ENO2: variants seen among roughly 807,000 people sequenced by gnomAD.
ENO2 encodes the protein gamma-enolase.
ENO2 carries 19 observed loss-of-function variants against 48.7 expected under a neutral mutation model. That is an observed-to-expected ratio of 0.39 (90% confidence interval 0.27 to 0.57). The LOEUF is 0.57. Among genes scored for constraint, ENO2 ranks in the 20% least tolerant of loss-of-function variants. The pLI is 0.58. For synonymous variants in ENO2, 198 were observed against 213.4 expected (o/e 0.93, Z 0.63); for missense variants, 416 against 555.0 (o/e 0.75, Z 2.52).
Position 6,916,758 on chromosome 12 carries a change from AG to A in ENO2, c.240+32del. On this transcript the variant is annotated intron_variant, in intron 4 of 11. Coordinates refer to ENST00000229277, the MANE Select transcript of ENO2 (RefSeq NM_001975.3). This position sits in a 1 kb window ranked among gnomAD's most constrained non-coding sequence, Gnocchi z 4.5. ...AGGCCTGCTCTTTGCTGGGGATAGC[AG>A]GGCCAGAGTTCTGGAAGGAATCCCG... is the stretch of plus-strand genomic sequence containing the variant. The A allele has an allele frequency of 6.2e-7, 1 of 1,613,720 alleles. No homozygotes were observed.
chr12:6,921,191 T>TCG (rs112782798), intron 8 of ENO2, among the ~76,000 whole-genome samples: 7,820 of 152,174 alleles, frequency 0.051, 583 homozygotes, highest in East Asian at 0.22. Context: ...ATCCAGGAGT[T>TCG]CGAGACTGGC....
chr12:6,915,515 G>C, intron 1 of ENO2: 1 of 335,312 alleles, frequency 3.0e-6, no homozygotes, highest in Non-Finnish European at 5.7e-6. Context: ...GCAAAGAGGC[G>C]CGGGAACCAC....
Position 6,922,441 on chromosome 12 carries a change from C to T in ENO2, c.1235+39C>T. 6.2e-7 allele frequency: 1 copy of T among 1,612,844 alleles called. No individual in the cohort carries two copies. The highest frequency in any genetic ancestry group is 8.5e-7 in the Non-Finnish European group (1 of 1,179,078). ...GGGTGGGAGCCCCTGGCCCAGATGG[C>T]TAAAGGCCCCATTTGCCTGCCAGAC... On this transcript the variant is annotated intron_variant, in intron 11 of 11. Coordinates refer to ENST00000229277, the MANE Select transcript of ENO2 (RefSeq NM_001975.3). This position sits in a 1 kb window ranked among gnomAD's most constrained non-coding sequence, Gnocchi z 5.3.
At chr12:6,921,988 C>T (rs1406296735) in intron 9 of ENO2, 68 bp from the exon 10 acceptor site, 1 of 1,598,380 alleles carries the variant, frequency 6.3e-7, no homozygotes, top group Non-Finnish European at 8.6e-7. Flanking sequence ...TGACATAGAC[C>T]AAGGTTGGGG....
Position 6,922,793 on chromosome 12 carries a change from T to C in ENO2, c.1298T>C (p.Val433Ala). The change falls in exon 12 of 12, where the codon GTG (valine) becomes GCG (alanine). Residue 433 changes from valine (V) to alanine (A), a missense_variant. By Grantham distance (64) the Val-to-Ala change is moderately conservative (BLOSUM62 0). Coordinates refer to ENST00000229277, the MANE Select transcript of ENO2 (RefSeq NM_001975.3). This position sits in a 1 kb window ranked among gnomAD's most constrained non-coding sequence, Gnocchi z 5.3. ...FAGHNFRNPSVL is the reference protein window; with the variant it reads ...FAGHNFRNPSAL ...GGACATAACTTCCGTAATCCCAGTG[T>C]GCTGTGATTCCTCTGCTTGCCTGGA... 1 of 1,614,056 alleles carries C rather than the reference T, an allele frequency of 6.2e-7. No individual in the cohort carries two copies. Among genetic ancestry groups the C allele is most frequent in the Non-Finnish European group, 8.5e-7 (1 of 1,179,942 alleles).
intron 7 of ENO2, among the ~76,000 whole-genome samples, chr12:6,918,496 G>A (rs1198000272): frequency 6.6e-6 from 1 of 151,410 alleles, no homozygotes; most frequent in African/African-American, 2.4e-5. Flanking sequence ...GACTACAGGC[G>A]CCCGCCACCA....
At chr12:6,915,212 C>T (rs1301753705) in intron 1 of ENO2, 1 of 154,128 alleles carries the variant, frequency 6.5e-6, no homozygotes, top group East Asian at 1.9e-4. Flanking sequence ...TTATCCTCTT[C>T]ACTTCCCGCT....
At chr12:6,920,440 C>T (rs1393493109) in intron 8 of ENO2, among the ~76,000 whole-genome samples, 1 of 149,466 alleles carries the variant, frequency 6.7e-6, no homozygotes, top group East Asian at 2.0e-4. Flanking sequence ...ACTCTTCTTG[C>T]CCAGGCTGGA....
chr12:6,920,492 C>G (rs139656060), intron 8 of ENO2, among the ~76,000 whole-genome samples: 1 of 151,662 alleles, frequency 6.6e-6, no homozygotes, highest in African/African-American at 2.4e-5. Flanking sequence ...CTCCACCTCC[C>G]GGATTCAAGC....
Position 6,915,957 on chromosome 12 carries a change from T to C in ENO2, c.85+40T>C, listed in dbSNP as rs375693296. On this transcript the variant is annotated intron_variant, in intron 2 of 11. Transcript: ENST00000229277. Reference sequence around the variant, plus strand: ...ATGGGCCTTCCTACAGCCCTAGCTTTTCCACGGCCAGGCTGGGTTCGGCCA... The same window carrying C: ...ATGGGCCTTCCTACAGCCCTAGCTTCTCCACGGCCAGGCTGGGTTCGGCCA... The C allele has an allele frequency of 4.7e-4, 761 of 1,610,358 alleles. 2 individuals carry two copies. The highest frequency in any genetic ancestry group is 3.5e-3 in the Middle Eastern group (21 of 6,052).
chr12:6,917,433 A>C, intron 5 of ENO2, 148 bp from the exon 6 acceptor site: 1 of 1,112,858 alleles, frequency 9.0e-7, no homozygotes, highest in East Asian at 2.4e-5. Context: ...TGTTTTCAAG[A>C]GAGCATGGAT....
chr12:6,920,403 T>C (rs1335094862), intron 8 of ENO2, among the ~76,000 whole-genome samples: 1 of 150,332 alleles, frequency 6.7e-6, no homozygotes, highest in Non-Finnish European at 1.5e-5. Flanking sequence ...TTTTTTGTTT[T>C]GTTTTTTTTT....
At chr12:6,919,271 AAAT>A (rs1555141901) in intron 7 of ENO2, among the ~76,000 whole-genome samples, 1 of 152,216 alleles carries the variant, frequency 6.6e-6, no homozygotes, top group East Asian at 1.9e-4. Context: ...TTCTCTCTGG[AAAT>A]AATAACAGAA....
chr12:6,915,709 A>AC, intron 1 of ENO2, 112 bp from the exon 2 acceptor site: 1 of 93,470 alleles, frequency 1.1e-5, no homozygotes, highest in South Asian at 1.1e-4. Context: ...CCCCCCACCC[A>AC]CTGCAGTAAC....
chr12:6,916,982 C>G lies in ENO2; in HGVS notation c.241-56C>G, dbSNP rs544881867. 1,367 of 1,609,970 alleles carry G rather than the reference C, an allele frequency of 8.5e-4. 18 individuals are homozygous for G. In the South Asian group the frequency reaches 9.4e-3, roughly 11 times the overall value. On this transcript the variant is annotated intron_variant, in intron 4 of 11. Transcript: ENST00000229277. This position sits in a 1 kb window ranked among gnomAD's most constrained non-coding sequence, Gnocchi z 4.5. ...GCTTGGGTGTGAATGAGGGGACCCTCTGCCTTAGGGCTCAGCCTCCAGCCT... is the reference window on the plus strand; with the variant it reads ...GCTTGGGTGTGAATGAGGGGACCCTGTGCCTTAGGGCTCAGCCTCCAGCCT...
chr12:6,918,531 T>C (rs1397329022), intron 7 of ENO2, among the ~76,000 whole-genome samples: 1 of 151,316 alleles, frequency 6.6e-6, no homozygotes, highest in South Asian at 2.1e-4. Context: ...TTTGTATTTT[T>C]TAGTAGAGAC....
intron 9 of ENO2, 24 bp downstream of exon 9, chr12:6,921,806 TG>T: frequency 6.2e-7 from 1 of 1,612,534 alleles, no homozygotes; most frequent in Non-Finnish European, 8.5e-7. Flanking sequence ...GGCCCTCTCC[TG>T]TGTGGTCCTC....
rs1945347501 is a variant in ENO2, at chr12:6,922,219, A to G, written c.1176+55A>G. 1 of 1,606,560 alleles carries G rather than the reference A, an allele frequency of 6.2e-7. No individual in the cohort carries two copies. The highest frequency in any genetic ancestry group is 8.5e-7 in the Non-Finnish European group (1 of 1,174,360). The stretch of plus-strand genomic sequence containing the variant: ...AACTCTCTGTGGGATTGGTATTTCT[A>G]GCTCACCCACCTGGTCTCTCCTTCC... On this transcript the variant is annotated intron_variant, in intron 10 of 11. Coordinates refer to ENST00000229277, the MANE Select transcript of ENO2 (RefSeq NM_001975.3). This position sits in a 1 kb window ranked among gnomAD's most constrained non-coding sequence, Gnocchi z 5.3.
rs149044132 is a variant in ENO2 at position 6,922,555 on chromosome 12, G to T, written c.1235+153G>T. ...TTGGTTTTTGCTTCCTGGGTTTATTGATGGCCTGATTGACAAATCCCAGAG... is the reference window on the plus strand; with the variant it reads ...TTGGTTTTTGCTTCCTGGGTTTATTTATGGCCTGATTGACAAATCCCAGAG... On this transcript the variant is annotated intron_variant, in intron 11 of 11. Transcript: ENST00000229277. The surrounding 1 kb of genome is among the most constrained non-coding windows in gnomAD (Gnocchi z 5.3). Among the ~76,000 whole-genome samples the T allele has an allele frequency of 6.2e-3, 948 of 152,288 alleles. 8 individuals are homozygous for T. Among genetic ancestry groups the T allele is most frequent in the Non-Finnish European group, 0.011 (718 of 68,022 alleles).
Sources: allele counts gnomAD v4.1 joint callset (sites outside exome capture counted in the v4.1 genomes callset), GRCh38; gene constraint gnomAD v4.1.1; non-coding constraint Gnocchi (gnomAD v3.1); transcripts MANE v1.5; gene names NCBI Gene and HGNC (gene_info 2026-07-23, HGNC 2026-07-21).